The following HUWE1 variants were observed in gnomAD, a reference collection of about 807,000 sequenced individuals.
HUWE1 encodes HECT, UBA and WWE domain containing E3 ubiquitin protein ligase 1, also known as E3 ubiquitin-protein ligase HUWE1.
In HUWE1, 18 loss-of-function variants were observed where a neutral mutation model predicts 299.4. That is an observed-to-expected ratio of 0.06 (90% CI 0.04 to 0.09). The LOEUF (loss-of-function observed/expected upper bound fraction) is 0.09, where lower values mean the gene tolerates loss of function less well. Ranked by LOEUF, HUWE1 falls within the 10% of genes least tolerant of loss-of-function variation. The pLI is 1.00. For synonymous variants in HUWE1, 1,317 were observed against 1,286.1 expected (o/e 1.02, Z -0.51); for missense variants, 1,832 against 3,462.3 (o/e 0.53, Z 11.82).
At chrX:53,603,203 A>G (rs1385866721) in intron 27 of HUWE1, among the ~76,000 whole-genome samples, 165 bp downstream of exon 27, 3 of 111,537 alleles carry the variant, frequency 2.7e-5, no homozygotes, top group East Asian at 5.6e-4. Flanking sequence ...TTAAACATCT[A>G]CCATGACGAC....
chrX:53,657,477 G>C (rs1326423081), intron 3 of HUWE1, among the ~76,000 whole-genome samples: 1 of 111,410 alleles, frequency 9.0e-6, no homozygotes, highest in East Asian at 2.8e-4. Flanking sequence ...AGTGAGCTGA[G>C]ATCGCGCCAC....
At position 53,551,085 on chromosome X, in the gene HUWE1, T is replaced by A. The variant is rs1385335529; in HGVS notation, c.9201A>T (p.Ser3067=). Reference sequence around the variant, plus strand: ...CCTCTAGGACACTACGGCGCAGGTCTGAGGGCAGAGTCTGGATGAAGGTCA... The same window carrying A: ...CCTCTAGGACACTACGGCGCAGGTCAGAGGGCAGAGTCTGGATGAAGGTCA... ...DPVTFIQTLP[S]DLRRSVLEDM... is the part of the protein sequence containing the mutation. Residue 3067 remains serine (S), a synonymous_variant, in exon 65 of 84, where the codon TCA becomes TCT. Transcript: ENST00000262854. 1 of 1,210,156 alleles carries A rather than the reference T, an allele frequency of 8.3e-7. No homozygotes were observed. The highest frequency in any genetic ancestry group is 1.1e-6 in the Non-Finnish European group (1 of 895,202).
At chrX:53,536,042 T>C (rs1349573330) in intron 80 of HUWE1, 105 bp downstream of exon 80, 2 of 533,080 alleles carry the variant, frequency 3.8e-6, no homozygotes, top group Admixed American at 2.7e-5. Flanking sequence ...TCAAGATGCT[T>C]CCTTAGAACT....
At position 53,543,865 on chromosome X, in the gene HUWE1, C is replaced by T. The variant is rs1556920616; in HGVS notation, c.11355G>A (p.Ala3785=). Residue 3785 remains alanine (A), a synonymous_variant, in exon 73 of 84, where the codon GCG becomes GCA. Coordinates refer to ENST00000262854, the MANE Select transcript of HUWE1 (RefSeq NM_031407.7). ...IIQMVREGQR[A]RRQQQAATSE... ...CCGTTGCTGCTTGTTGCTGTCTCCG[C>T]GCCCTTTGACCCTCACGTACCATTT... is the stretch of plus-strand genomic sequence containing the variant. The T allele has an allele frequency of 5.8e-6, 7 of 1,211,045 alleles. No homozygotes were observed. Among genetic ancestry groups the T allele is most frequent in the South Asian group, 1.8e-5 (1 of 56,845 alleles).
chrX:53,585,058 G>A lies in HUWE1; in HGVS notation c.4955C>T (p.Thr1652Ile). ...GACCGTGTATCTTCTTCGGCCTGCA[G>A]TGAATCGCACGCTTGTCTCTCCAGA... ...WKSGETSVRF[T>I]AGRRRYTVQF... The change falls in exon 40 of 84, where the codon ACT (threonine) becomes ATT (isoleucine). Residue 1652 changes from threonine (T) to isoleucine (I), a missense_variant. Around this residue, in one of 15 missense-constraint regions of HUWE1, gnomAD observed 658 missense variants for 1,282.6 expected, o/e 0.51. Coordinates refer to ENST00000262854, the MANE Select transcript of HUWE1 (RefSeq NM_031407.7). The A allele has an allele frequency of 1.7e-6, 2 of 1,212,012 alleles. No individual in the cohort carries two copies. Among genetic ancestry groups the A allele is most frequent in the Non-Finnish European group, 2.2e-6 (2 of 895,599 alleles).
intron 47 of HUWE1, among the ~76,000 whole-genome samples, chrX:53,571,356 A>C (rs2062818777): frequency 8.9e-6 from 1 of 112,666 alleles, no homozygotes; most frequent in South Asian, 3.7e-4. Flanking sequence ...TCATGCCTGT[A>C]ATCCTAGCAT....
chrX:53,614,300 T>G (rs908997398), intron 23 of HUWE1, among the ~76,000 whole-genome samples: 1 of 111,202 alleles, frequency 9.0e-6, no homozygotes, highest in Non-Finnish European at 1.9e-5. Flanking sequence ...TTAATTAATT[T>G]TTTTAAAAAA....
At chrX:53,662,787 T>C (rs1439767790) in intron 3 of HUWE1, among the ~76,000 whole-genome samples, 1 of 112,059 alleles carries the variant, frequency 8.9e-6, no homozygotes, top group Non-Finnish European at 1.9e-5. Flanking sequence ...CTGAGTTATT[T>C]GCTCTAGCAT....
chrX:53,680,896 T>C (rs2070098001), intron 2 of HUWE1, among the ~76,000 whole-genome samples: 1 of 87,951 alleles, frequency 1.1e-5, no homozygotes, highest in Non-Finnish European at 2.2e-5. Flanking sequence ...TTTTATTACC[T>C]ACAAAGCACT....
At chrX:53,675,188 G>C (rs1184624586) in intron 3 of HUWE1, among the ~76,000 whole-genome samples, 1 of 111,134 alleles carries the variant, frequency 9.0e-6, no homozygotes, top group Non-Finnish European at 1.9e-5. Context: ...TAGGGTATAG[G>C]GGAGGAAAGA....
intron 77 of HUWE1, 47 bp downstream of exon 77, chrX:53,538,290 G>A (rs1556914946): frequency 1.1e-6 from 1 of 877,357 alleles, no homozygotes; most frequent in Non-Finnish European, 1.7e-6. Context: ...GTTACCATTT[G>A]GGGAGTTCTC....
chrX:53,677,537 T>A (rs1340031315), intron 3 of HUWE1, among the ~76,000 whole-genome samples: 2 of 105,061 alleles, frequency 1.9e-5, no homozygotes, highest in Admixed American at 2.1e-4. Context: ...TGCTGAAAGG[T>A]CTTTCCACCT....
intron 61 of HUWE1, among the ~76,000 whole-genome samples, chrX:53,553,271 G>A (rs782725583): frequency 1.1e-4 from 12 of 108,999 alleles, no homozygotes; most frequent in South Asian, 4.1e-4. Flanking sequence ...GCCTCCTGAG[G>A]AGCTGGGATT....
intron 2 of HUWE1, 80 bp from the exon 3 acceptor site, chrX:53,680,266 T>C: frequency 3.4e-6 from 1 of 291,298 alleles, no homozygotes; most frequent in East Asian, 4.9e-5. Flanking sequence ...AACCATTCTA[T>C]TATGTTCAAA....
chrX:53,584,779 T>C (rs917682458), intron 40 of HUWE1, among the ~76,000 whole-genome samples: 3 of 112,003 alleles, frequency 2.7e-5, no homozygotes, highest in Non-Finnish European at 3.8e-5. Context: ...CACATACCCC[T>C]CTTTTTGATA....
At position 53,574,649 on chromosome X, in the gene HUWE1, T is replaced by C. The variant is rs1048096133; in HGVS notation, c.6097+506A>G. Among the ~76,000 whole-genome samples, 3 of 112,391 alleles carry C rather than the reference T, an allele frequency of 2.7e-5. No individual in the cohort carries two copies. In the South Asian group the frequency reaches 1.1e-3, roughly 41 times the overall value. ...TTTTAAATTTATCTCCAGGAACTAG[T>C]ATGATTTTAAACAAAATGTCTCCTA... is the stretch of plus-strand genomic sequence containing the variant. On this transcript the variant is annotated intron_variant, in intron 46 of 83. Transcript: ENST00000262854.
In HUWE1 at chrX:53,592,384, G is replaced by A. The variant is rs782377547; in HGVS notation, c.3972+14C>T. 8.6e-7 allele frequency: 1 copy of A among 1,169,036 alleles called. No individual in the cohort carries two copies. Among genetic ancestry groups the A allele is most frequent in the South Asian group, 1.8e-5 (1 of 56,056 alleles). On this transcript the variant is annotated intron_variant, in intron 33 of 83. Coordinates refer to ENST00000262854, the MANE Select transcript of HUWE1 (RefSeq NM_031407.7). The stretch of plus-strand genomic sequence containing the variant: ...GCAAAGTCTGGACCCTGGAGTGTGA[G>A]GCCAGTACCCTACCTGTTGCAGTTG...
chrX:53,587,055 A>C, intron 37 of HUWE1, 146 bp from the exon 38 acceptor site: 1 of 665,451 alleles, frequency 1.5e-6, no homozygotes, highest in Admixed American at 2.7e-5. Flanking sequence ...ACCATTTACC[A>C]GTTGTGTAAT....
At chrX:53,555,541 G>C (rs1247805204) in intron 60 of HUWE1, among the ~76,000 whole-genome samples, 2 of 110,912 alleles carry the variant, frequency 1.8e-5, no homozygotes, top group African/African-American at 6.6e-5. Flanking sequence ...TGCCCAGGCT[G>C]GTCTCAAACT....
Sources: allele counts gnomAD v4.1 joint callset (sites outside exome capture counted in the v4.1 genomes callset), GRCh38; gene constraint gnomAD v4.1.1; regional missense constraint gnomAD v4.1.1; transcripts MANE v1.5; gene names NCBI Gene and HGNC (gene_info 2026-07-23, HGNC 2026-07-21).